ASAP1: variants seen among roughly 807,000 people sequenced by gnomAD.
ASAP1 encodes ArfGAP with SH3 domain, ankyrin repeat and PH domain 1.
ASAP1 carries 43 observed loss-of-function variants against 145.2 expected under a neutral mutation model. The observed-to-expected ratio is 0.30, with a 90% CI of 0.23 to 0.38. ASAP1 has a LOEUF of 0.38. ASAP1 is among the 10% of genes least tolerant of loss of function. ASAP1 has a pLI of 1.00. For missense variants in ASAP1, 1,018 were observed against 1,355.3 expected (o/e 0.75, Z 3.91); for synonymous variants, 546 against 515.5 (o/e 1.06, Z -0.80).
intron 29 of ASAP1, among the ~76,000 whole-genome samples, chr8:130,055,157 T>C (rs754388890): frequency 1.3e-5 from 2 of 152,218 alleles, no homozygotes; most frequent in Non-Finnish European, 2.9e-5. Flanking sequence ...CGTGGGGCTC[T>C]AGAGTCCTTG....
intron 5 of ASAP1, among the ~76,000 whole-genome samples, chr8:130,210,702 A>C (rs1816526925): frequency 6.6e-6 from 1 of 152,212 alleles, no homozygotes; most frequent in African/African-American, 2.4e-5. Flanking sequence ...AGCATCACTG[A>C]AACAAGGCAT....
In ASAP1 at chr8:130,107,515, A is replaced by AATGTATGTATGT. The variant is rs71302393; in HGVS notation, c.2401+4567_2401+4578dup. Among the ~76,000 whole-genome samples the AATGTATGTATGT allele has an allele frequency of 7.0e-4, 71 of 101,780 alleles. 1 individual carries two copies. Among genetic ancestry groups the AATGTATGTATGT allele is most frequent in the East Asian group, 3.1e-3 (7 of 2,270 alleles). 66.8% of individuals were successfully genotyped at this position (101,780 alleles called of 152,430 possible). On this transcript the variant is annotated intron_variant, in intron 24 of 29. Transcript: ENST00000518721. The stretch of plus-strand genomic sequence containing the variant: ...TCTCTCTTTTTTTTTTTTTTTAAAA[A>AATGTATGTATGT]ATGTATGTATGTATGTATGTATGTA...
intron 3 of ASAP1, among the ~76,000 whole-genome samples, chr8:130,346,329 A>G (rs997605123): frequency 6.6e-6 from 1 of 152,210 alleles, no homozygotes; most frequent in Admixed American, 6.5e-5. Flanking sequence ...TTCCATGGCC[A>G]TCCGGTTGGT....
chr8:130,168,338 A>T (rs1391823715), intron 10 of ASAP1, among the ~76,000 whole-genome samples: 1 of 152,170 alleles, frequency 6.6e-6, no homozygotes, highest in Non-Finnish European at 1.5e-5. Context: ...AAAACAAAAC[A>T]AAACAAAACA....
chr8:130,443,307 G>C (rs562862018), intron 1 of ASAP1, among the ~76,000 whole-genome samples, 153 bp downstream of exon 1: 1 of 151,696 alleles, frequency 6.6e-6, no homozygotes, highest in African/African-American at 2.4e-5. Context: ...CCTCCCCGCG[G>C]AGAAGGACAC....
chr8:130,404,824 C>T (rs1348542978), intron 1 of ASAP1, among the ~76,000 whole-genome samples: 7 of 152,158 alleles, frequency 4.6e-5, no homozygotes, highest in African/African-American at 1.7e-4. Flanking sequence ...CTAGAAGTGA[C>T]AGTGTGCTGT....
intron 3 of ASAP1, among the ~76,000 whole-genome samples, chr8:130,237,359 G>A (rs980121908): frequency 1.3e-5 from 2 of 152,030 alleles, no homozygotes; most frequent in South Asian, 2.1e-4. Flanking sequence ...GACATGAATG[G>A]CACAATACCC....
chr8:130,415,419 G>A (rs1232538450), intron 1 of ASAP1, among the ~76,000 whole-genome samples: 1 of 152,186 alleles, frequency 6.6e-6, no homozygotes. Flanking sequence ...AATGACCTAT[G>A]ACTGTGCCAC....
chr8:130,207,995 G>A (rs1300984975), intron 5 of ASAP1, among the ~76,000 whole-genome samples: 3 of 152,114 alleles, frequency 2.0e-5, no homozygotes, highest in Non-Finnish European at 4.4e-5. Context: ...TTTGTTTTAT[G>A]CTGAAATTTT....
intron 13 of ASAP1, 74 bp downstream of exon 13, chr8:130,152,662 A>T: frequency 9.3e-7 from 1 of 1,080,994 alleles, no homozygotes; most frequent in Non-Finnish European, 1.3e-6. Context: ...ATTTGCGCCA[A>T]TTTTTACTGC....
intron 24 of ASAP1, among the ~76,000 whole-genome samples, chr8:130,093,666 C>CCAAAAAAAAAAA (rs2097510586): frequency 1.9e-5 from 1 of 52,210 alleles, no homozygotes; most frequent in Admixed American, 2.8e-4. Context: ...GACTCCGTCT[C>CCAAAAAAAAAAA]AAAAAAAAAA....
intron 13 of ASAP1, among the ~76,000 whole-genome samples, chr8:130,148,874 G>A (rs2097639408): frequency 6.6e-6 from 1 of 151,764 alleles, no homozygotes; most frequent in East Asian, 1.9e-4. Context: ...TGGCTCTGTC[G>A]CCCAGGCTGG....
intron 20 of ASAP1, 127 bp downstream of exon 20, chr8:130,118,034 T>C: frequency 1.4e-6 from 1 of 699,596 alleles, no homozygotes; most frequent in Non-Finnish European, 2.3e-6. Context: ...AAGCCAAAAA[T>C]AATTTTTATA....
At position 130,054,482 on chromosome 8, in the gene ASAP1, T is replaced by C. The variant is rs2097399300; in HGVS notation, c.*249A>G. The C allele has an allele frequency of 7.2e-6, 3 of 415,114 alleles. No homozygotes were observed. The highest frequency in any genetic ancestry group is 4.7e-5 in the East Asian group (1 of 21,418). The allele number at this position is 415,114 out of a possible 1,614,324, so 25.7% of individuals were successfully genotyped here. A position where few individuals can be genotyped will look rare whatever the true frequency, so the allele number is the denominator to read the frequency against. On this transcript the variant is annotated 3_prime_UTR_variant, in exon 30 of 30. Coordinates refer to ENST00000518721, the MANE Select transcript of ASAP1 (RefSeq NM_018482.4). ...TTGCTTGTAGAACAGCATAGAGAGA[T>C]GTAAGTGCTAGATGCCAAGGATGGC...
At chr8:130,089,145 T>G (rs1165719768) in intron 25 of ASAP1, among the ~76,000 whole-genome samples, 2 of 152,184 alleles carry the variant, frequency 1.3e-5, no homozygotes, top group Non-Finnish European at 2.9e-5. Context: ...GGAGTTTTAC[T>G]GGACTGCAAA....
chr8:130,074,928 G>A (rs1429880449), intron 27 of ASAP1, among the ~76,000 whole-genome samples: 1 of 152,220 alleles, frequency 6.6e-6, no homozygotes, highest in South Asian at 2.1e-4. Flanking sequence ...GGCAGGAGCT[G>A]AGGGAGCACA....
intron 26 of ASAP1, among the ~76,000 whole-genome samples, chr8:130,079,554 AAC>A (rs771579095): frequency 2.0e-5 from 3 of 152,212 alleles, no homozygotes; most frequent in Non-Finnish European, 4.4e-5. Flanking sequence ...GTGGAAAAGT[AAC>A]AAAGTTACTT....
chr8:130,385,021 T>C (rs148219153), intron 2 of ASAP1, among the ~76,000 whole-genome samples: 3 of 152,202 alleles, frequency 2.0e-5, no homozygotes, highest in African/African-American at 7.2e-5. Flanking sequence ...GGTCCAAATA[T>C]TGTCTTTGAT....
At chr8:130,382,947 G>C (rs1362817123) in intron 2 of ASAP1, among the ~76,000 whole-genome samples, 1 of 152,210 alleles carries the variant, frequency 6.6e-6, no homozygotes, top group Admixed American at 6.5e-5. Flanking sequence ...GAAGAGTTGG[G>C]TCTCAGGGAT....
Sources: gnomAD v4.1 joint callset for allele counts (sites outside exome capture counted in the v4.1 genomes callset) on GRCh38, gnomAD v4.1.1 for gene constraint, MANE v1.5 for transcripts, NCBI Gene and HGNC (gene_info 2026-07-23, HGNC 2026-07-21) for gene names.